KCNU1: variants seen among roughly 807,000 people sequenced by gnomAD.
KCNU1 encodes the protein potassium channel subfamily U member 1.
Under a neutral mutation model 126.8 loss-of-function variants are expected in KCNU1, and 93 were observed. That is an observed-to-expected ratio of 0.73 (90% confidence interval 0.62 to 0.87). The LOEUF (loss-of-function observed/expected upper bound fraction) is 0.87, where lower values mean the gene tolerates loss of function less well. Ranked by LOEUF, KCNU1 falls within the 40% of genes least tolerant of loss-of-function variation. KCNU1 has a pLI of 0.00. For missense variants in KCNU1, 1,330 were observed against 1,367.1 expected (o/e 0.97, Z 0.43); for synonymous variants, 523 against 494.2 (o/e 1.06, Z -0.77).
chr8:36,848,637 GTC>G (rs1805234067), intron 18 of KCNU1, among the ~76,000 whole-genome samples: 1 of 152,024 alleles, frequency 6.6e-6, no homozygotes, highest in South Asian at 2.1e-4. Context: ...ATATGCATTT[GTC>G]TGTCAGGACA....
intron 19 of KCNU1, among the ~76,000 whole-genome samples, chr8:36,902,828 TG>T (rs1388575376): frequency 6.6e-6 from 1 of 152,104 alleles, no homozygotes; most frequent in East Asian, 1.9e-4. Flanking sequence ...AGAGAGCCGG[TG>T]GGGCTTTTGG....
At chr8:36,922,117 G>GTTCCTATTTA (rs1205753424) in intron 23 of KCNU1, among the ~76,000 whole-genome samples, 1 of 152,014 alleles carries the variant, frequency 6.6e-6, no homozygotes, top group Non-Finnish European at 1.5e-5. Context: ...GTGACCATGT[G>GTTCCTATTTA]TTCCTATTTA....
In KCNU1 at chr8:36,808,706, C is replaced by G. The variant is rs745741478; in HGVS notation, c.657-12C>G. ...TGTTAGACCCAACAGCTCTTTGTCT[C>G]TCTTCCTCTAGTAACTCAGTGAAGT... is the stretch of plus-strand genomic sequence containing the variant. On this transcript the variant is annotated splice_polypyrimidine_tract_variant and intron_variant, in intron 6 of 26. Transcript: ENST00000399881. 3 of 1,577,152 alleles carry G rather than the reference C, an allele frequency of 1.9e-6. No individual in the cohort carries two copies. Among genetic ancestry groups the G allele is most frequent in the African/African-American group, 1.3e-5 (1 of 74,184 alleles).
chr8:36,867,880 G>T (rs1305951579), intron 19 of KCNU1, among the ~76,000 whole-genome samples: 1 of 152,160 alleles, frequency 6.6e-6, no homozygotes, highest in African/African-American at 2.4e-5. Context: ...GACCCAGTCT[G>T]TCAGCCCTAT....
At chr8:36,799,318 C>T (rs1803217316) in intron 2 of KCNU1, among the ~76,000 whole-genome samples, 1 of 151,794 alleles carries the variant, frequency 6.6e-6, no homozygotes. Context: ...GAAATTTCGC[C>T]ATGATATGGC....
chr8:36,836,421 A>G, intron 13 of KCNU1, 56 bp downstream of exon 13: 1 of 1,226,400 alleles, frequency 8.2e-7, no homozygotes, highest in Non-Finnish European at 1.2e-6. Flanking sequence ...TAGCTAGACG[A>G]ACTTTTTAAT....
chr8:36,920,040 CT>C (rs1421409876), intron 23 of KCNU1, among the ~76,000 whole-genome samples: 1 of 152,164 alleles, frequency 6.6e-6, no homozygotes, highest in Non-Finnish European at 1.5e-5. Flanking sequence ...ATCCTAGTAC[CT>C]GCCTGCCTAT....
intron 2 of KCNU1, among the ~76,000 whole-genome samples, chr8:36,793,457 C>T (rs6987864): frequency 0.061 from 9,201 of 151,722 alleles, 964 homozygotes; most frequent in African/African-American, 0.21. Context: ...TAATGATCAG[C>T]TTATAATGTT....
intron 19 of KCNU1, among the ~76,000 whole-genome samples, chr8:36,892,149 A>G (rs954225182): frequency 3.3e-5 from 5 of 151,922 alleles, no homozygotes; most frequent in African/African-American, 4.8e-5. Context: ...TATTTCTTCA[A>G]TAGGTTTTTA....
At chr8:36,848,088 A>G (rs962524168) in intron 18 of KCNU1, among the ~76,000 whole-genome samples, 1 of 152,222 alleles carries the variant, frequency 6.6e-6, no homozygotes, top group Non-Finnish European at 1.5e-5. Flanking sequence ...AAACATACTT[A>G]TATACCATTT....
chr8:36,799,466 C>A (rs1803225549), intron 2 of KCNU1, among the ~76,000 whole-genome samples: 2 of 149,484 alleles, frequency 1.3e-5, no homozygotes, highest in South Asian at 2.1e-4. Flanking sequence ...GGAGGGGGGG[C>A]AGGGTAGAAG....
intron 20 of KCNU1, among the ~76,000 whole-genome samples, chr8:36,907,333 T>G (rs1220718811): frequency 6.6e-6 from 1 of 152,146 alleles, no homozygotes; most frequent in Non-Finnish European, 1.5e-5. Flanking sequence ...TGCCACAGTT[T>G]CTTGGAGAAA....
At chr8:36,814,494 A>G (rs914939973) in intron 8 of KCNU1, 117 bp downstream of exon 8, 2 of 728,206 alleles carry the variant, frequency 2.7e-6, no homozygotes, top group Non-Finnish European at 4.6e-6. Flanking sequence ...CTTGGGGCAC[A>G]TGTCAAGGGC....
intron 23 of KCNU1, among the ~76,000 whole-genome samples, chr8:36,919,929 A>C (rs1227909474): frequency 6.6e-6 from 1 of 152,220 alleles, no homozygotes; most frequent in African/African-American, 2.4e-5. Flanking sequence ...ACAGTGTAGC[A>C]GGTGAGAGGT....
At chr8:36,785,253 G>T (rs2186295) in intron 1 of KCNU1, among the ~76,000 whole-genome samples, 1 of 152,184 alleles carries the variant, frequency 6.6e-6, no homozygotes, top group Non-Finnish European at 1.5e-5. Flanking sequence ...CATTGCTTAA[G>T]AGCTTGAAAT....
At chr8:36,922,668 C>G (rs369392391) in intron 24 of KCNU1, 39 bp downstream of exon 24, 4 of 1,599,264 alleles carry the variant, frequency 2.5e-6, no homozygotes, top group Non-Finnish European at 3.4e-6. Flanking sequence ...AAAACCAAGC[C>G]CTCTGCAGAG....
At chr8:36,795,523 A>T (rs1803063766) in intron 2 of KCNU1, 1 of 152,718 alleles carries the variant, frequency 6.5e-6, no homozygotes, top group Admixed American at 6.5e-5. Flanking sequence ...CACCCCAGGA[A>T]AGTTCCTCAG....
At chr8:36,895,629 T>A (rs1807159700) in intron 19 of KCNU1, among the ~76,000 whole-genome samples, 1 of 152,128 alleles carries the variant, frequency 6.6e-6, no homozygotes, top group Non-Finnish European at 1.5e-5. Flanking sequence ...CTTTATATAC[T>A]TCCCATGCTG....
At chr8:36,842,971 A>C (rs973661579) in intron 16 of KCNU1, among the ~76,000 whole-genome samples, 2 of 152,144 alleles carry the variant, frequency 1.3e-5, no homozygotes, top group Non-Finnish European at 2.9e-5. Context: ...GCCTGTTTGC[A>C]TAAGTTTTAA....
Sources: allele counts gnomAD v4.1 joint callset (sites outside exome capture counted in the v4.1 genomes callset), GRCh38; gene constraint gnomAD v4.1.1; transcripts MANE v1.5; gene names NCBI Gene and HGNC (gene_info 2026-07-23, HGNC 2026-07-21).